The following TSHZ2 variants were observed in gnomAD, a reference collection of about 807,000 sequenced individuals.
TSHZ2 encodes teashirt zinc finger homeobox 2, also known as teashirt homolog 2.
In TSHZ2, 21 loss-of-function variants were observed where a neutral mutation model predicts 74.4. The observed-to-expected ratio is 0.28, with a 90% confidence interval of 0.20 to 0.41. The LOEUF is 0.41. TSHZ2 is among the 10% of genes least tolerant of loss of function. The probability of loss-of-function intolerance (pLI) is 1.00; values close to 1 mark genes in which losing one functional copy is unlikely to be tolerated. For missense variants in TSHZ2, 1,244 were observed against 1,293.5 expected (o/e 0.96, Z 0.59); for synonymous variants, 540 against 515.3 (o/e 1.05, Z -0.65).
intron 1 of TSHZ2, among the ~76,000 whole-genome samples, chr20:53,166,945 T>A (rs1988077229): frequency 6.6e-6 from 1 of 152,106 alleles, no homozygotes; most frequent in African/African-American, 2.4e-5. Flanking sequence ...AATGTAATAG[T>A]GAATGACTAA....
chr20:53,196,120 T>G (rs1477273803), intron 1 of TSHZ2: 1 of 152,112 alleles, frequency 6.6e-6, no homozygotes, highest in East Asian at 1.9e-4. Context: ...CGATACGACG[T>G]CTTCTGTTTA....
chr20:53,122,053 G>A (rs192350982), intron 1 of TSHZ2, among the ~76,000 whole-genome samples: 4 of 152,220 alleles, frequency 2.6e-5, no homozygotes, highest in African/African-American at 4.8e-5. Flanking sequence ...TTGGGAGGCC[G>A]AAGTGGGTAG....
intron 1 of TSHZ2, among the ~76,000 whole-genome samples, chr20:53,047,767 G>A (rs1885688749): frequency 6.6e-6 from 1 of 152,128 alleles, no homozygotes; most frequent in East Asian, 1.9e-4. Context: ...ATAAGAGAGT[G>A]TCCTTATAAT....
At chr20:53,141,224 G>A (rs1987393768) in intron 1 of TSHZ2, among the ~76,000 whole-genome samples, 1 of 152,192 alleles carries the variant, frequency 6.6e-6, no homozygotes, top group Non-Finnish European at 1.5e-5. Flanking sequence ...TGAGCTCCAA[G>A]GAGCCACCCC....
chr20:53,083,860 CCTTT>C (rs1050080200), intron 1 of TSHZ2, among the ~76,000 whole-genome samples: 16 of 151,858 alleles, frequency 1.1e-4, no homozygotes, highest in African/African-American at 3.4e-4. Context: ...AGTTTTCTTC[CCTTT>C]CTATGTGAAT....
At chr20:53,066,160 G>A (rs1984977975) in intron 1 of TSHZ2, among the ~76,000 whole-genome samples, 2 of 152,136 alleles carry the variant, frequency 1.3e-5, no homozygotes, top group Admixed American at 6.5e-5. Context: ...GCCTAGGGGA[G>A]GTGGAGTTTC....
intron 1 of TSHZ2, among the ~76,000 whole-genome samples, chr20:53,172,179 T>G (rs2801008): frequency 0.32 from 49,323 of 152,100 alleles, 8,077 homozygotes; most frequent in East Asian, 0.49. Context: ...ATATCAATTT[T>G]GGTTGGTTTT....
chr20:53,383,754 C>T lies in TSHZ2; in HGVS notation c.*9-103390C>T, dbSNP rs560220387. Among the ~76,000 whole-genome samples the T allele has an allele frequency of 2.0e-5, 3 of 151,794 alleles. No homozygotes were observed. In the South Asian group the frequency reaches 6.2e-4, roughly 32 times the overall value. On this transcript the variant is annotated intron_variant, in intron 2 of 2. Coordinates refer to ENST00000371497, the MANE Select transcript of TSHZ2 (RefSeq NM_173485.6). ...CCAGCCTGGTGACAGAGTGAGACTC[C>T]GTCTCCAAAAAATAATAACAATAAT...
At chr20:53,377,229 A>T (rs1981690373) in intron 2 of TSHZ2, among the ~76,000 whole-genome samples, 1 of 152,218 alleles carries the variant, frequency 6.6e-6, no homozygotes, top group South Asian at 2.1e-4. Context: ...GCATCAAGGA[A>T]TACTGCCTGA....
In TSHZ2 at chr20:53,404,624, T is replaced by C. The variant is rs6097398; in HGVS notation, c.*9-82520T>C. On this transcript the variant is annotated intron_variant, in intron 2 of 2. Transcript: ENST00000371497. ...TAATGATTGGTCGTATCCAGTCAAA[T>C]GCTTCCTAAGCTCTTTAAATCCTCA... is the stretch of plus-strand genomic sequence containing the variant. Among the ~76,000 whole-genome samples, 730 of 152,330 alleles carry C rather than the reference T, an allele frequency of 4.8e-3. 7 individuals carry two copies. The highest frequency in any genetic ancestry group is 0.016 in the African/African-American group (684 of 41,568).
intron 2 of TSHZ2, among the ~76,000 whole-genome samples, chr20:53,424,936 A>AT (rs545743316): frequency 5.6e-4 from 85 of 152,156 alleles, no homozygotes; most frequent in Non-Finnish European, 1.0e-3. Flanking sequence ...TGGTGTATAT[A>AT]TACCACATTT....
intron 2 of TSHZ2, among the ~76,000 whole-genome samples, chr20:53,369,316 G>A (rs565566815): frequency 6.6e-6 from 1 of 152,282 alleles, no homozygotes; most frequent in South Asian, 2.1e-4. Flanking sequence ...ATGCCAAGGA[G>A]GTGACAATTT....
rs80151780 is a variant in TSHZ2, at chr20:52,999,953, A to G, written c.40+26620A>G. Among the ~76,000 whole-genome samples the G allele has an allele frequency of 9.8e-5, 15 of 152,340 alleles. No homozygotes were observed. In the East Asian group the frequency reaches 2.9e-3, roughly 29 times the overall value. ...AAGAGAGAAGAAGATGGTGACGATG[A>G]TGATGGTAATGAAAACAACAGCTAA... On this transcript the variant is annotated intron_variant, in intron 1 of 2. Transcript: ENST00000371497.
intron 2 of TSHZ2, among the ~76,000 whole-genome samples, chr20:53,351,981 C>T (rs1980661419): frequency 6.6e-6 from 1 of 152,196 alleles, no homozygotes; most frequent in Admixed American, 6.5e-5. Context: ...ACACAAAATA[C>T]TTAGTCATGT....
chr20:53,419,828 G>A (rs1397370412), intron 2 of TSHZ2, among the ~76,000 whole-genome samples: 1 of 152,232 alleles, frequency 6.6e-6, no homozygotes, highest in Non-Finnish European at 1.5e-5. Flanking sequence ...AGCTCATTCT[G>A]TTAAGGGACA....
intron 1 of TSHZ2, among the ~76,000 whole-genome samples, chr20:53,130,363 C>G (rs1600704532): frequency 6.6e-6 from 1 of 152,304 alleles, no homozygotes; most frequent in African/African-American, 2.4e-5. Context: ...GTGGCTCACA[C>G]CTGTAATCCT....
chr20:52,973,235 G>C lies in TSHZ2; in HGVS notation c.-59G>C. Reference sequence around the variant, plus strand: ...ACCCAGAGAGGCCAGAGAGACAGCGGGCCCCAGCGCGCGGCTCGGGGCTGG... The same window carrying C: ...ACCCAGAGAGGCCAGAGAGACAGCGCGCCCCAGCGCGCGGCTCGGGGCTGG... On this transcript the variant is annotated 5_prime_UTR_variant, in exon 1 of 3. Coordinates refer to ENST00000371497, the MANE Select transcript of TSHZ2 (RefSeq NM_173485.6). 6.5e-7 allele frequency: 1 copy of C among 1,549,734 alleles called. No individual in the cohort carries two copies. The highest frequency in any genetic ancestry group is 8.7e-7 in the Non-Finnish European group (1 of 1,145,504).
chr20:52,985,312 G>GT (rs1217576573), intron 1 of TSHZ2, among the ~76,000 whole-genome samples: 1 of 152,146 alleles, frequency 6.6e-6, no homozygotes, highest in Non-Finnish European at 1.5e-5. Flanking sequence ...CATTTCATAG[G>GT]TTTTTTATGA....
intron 2 of TSHZ2, among the ~76,000 whole-genome samples, chr20:53,458,636 T>C (rs947062151): frequency 6.6e-6 from 1 of 152,026 alleles, no homozygotes; most frequent in East Asian, 1.9e-4. Context: ...GCTTTTCTAG[T>C]TCTTTTAATT....
Sources: allele counts gnomAD v4.1 joint callset (sites outside exome capture counted in the v4.1 genomes callset), GRCh38; gene constraint gnomAD v4.1.1; transcripts MANE v1.5; gene names NCBI Gene and HGNC (gene_info 2026-07-23, HGNC 2026-07-21).